Variants in COL5A1 observed in about 807,000 individuals in gnomAD.
The protein encoded by COL5A1 is collagen alpha-1(V) chain.
A neutral mutation model predicts 263.7 loss-of-function variants in COL5A1; 16 were observed. The ratio of observed to expected loss-of-function variants is 0.06; its 90% CI spans 0.04 to 0.09. The LOEUF (loss-of-function observed/expected upper bound fraction) is 0.09, where lower values mean the gene tolerates loss of function less well. COL5A1 is among the 10% of genes least tolerant of loss of function. COL5A1 has a pLI of 1.00. For missense variants in COL5A1, 2,036 were observed against 2,540.5 expected (o/e 0.80, Z 4.27); for synonymous variants, 1,012 against 1,004.5 (o/e 1.01, Z -0.14).
rs1374559868 is a variant in COL5A1 at position 134,753,893 on chromosome 9, T to G, written c.1763T>G (p.Val588Gly). 1 of 1,612,830 alleles carries G rather than the reference T, an allele frequency of 6.2e-7. No homozygotes were observed. The highest frequency in any genetic ancestry group is 1.3e-5 in the African/African-American group (1 of 74,514). The change falls in exon 15 of 66, where the codon GTG (valine) becomes GGG (glycine). Residue 588 changes from valine (V) to glycine (G), a missense_variant. By Grantham distance (109) the Val-to-Gly change is moderately radical. Transcript: ENST00000371817. ...SGGLKGEPGD[V>G]GPQGPRGVQG... is the part of the protein sequence containing the mutation. ...GGTTTGAAGGGCGAGCCGGGAGACG[T>G]GGGGCCTCAGGTATGTGGGATCCTT...
intron 65 of COL5A1, among the ~76,000 whole-genome samples, chr9:134,837,378 G>T (rs767153126): frequency 6.6e-6 from 1 of 152,014 alleles, no homozygotes; most frequent in Non-Finnish European, 1.5e-5. Flanking sequence ...TGGATCCCAC[G>T]AAGGACCCTT....
rs149118536 is a variant in COL5A1, at chr9:134,647,574, G to A, written c.109+5278G>A. Among the ~76,000 whole-genome samples, 89 of 152,300 alleles carry A rather than the reference G, an allele frequency of 5.8e-4. No homozygotes were observed. Among genetic ancestry groups the A allele is most frequent in the Non-Finnish European group, 1.0e-3 (68 of 68,018 alleles). ...GTGCAGGGCCTGGTGTGTTTGAGGA[G>A]CTCGTGGCAGGGCGACGTTTCTCTC... On this transcript the variant is annotated intron_variant, in intron 1 of 65. Coordinates refer to ENST00000371817, the MANE Select transcript of COL5A1 (RefSeq NM_000093.5). This position sits in a 1 kb window ranked among gnomAD's most constrained non-coding sequence, Gnocchi z 5.0.
At chr9:134,732,372 G>A in intron 9 of COL5A1, 1 of 609,254 alleles carries the variant, frequency 1.6e-6, no homozygotes, top group Non-Finnish European at 3.0e-6. Flanking sequence ...ATCAAAGCCG[G>A]TCCTGCACCC....
Position 134,701,265 on chromosome 9 carries a change from C to A in COL5A1, c.586C>A (p.His196Asn). The change falls in exon 4 of 66, where the codon CAC becomes AAC. Residue 196 changes from histidine (H) to asparagine (N), a missense_variant. His to Asn is a moderately conservative substitution (Grantham distance 68, BLOSUM62 1). Coordinates refer to ENST00000371817, the MANE Select transcript of COL5A1 (RefSeq NM_000093.5). Reference sequence around the variant, plus strand: ...CACCAAATTCCTCGACCGCAGCGACCACCCCATGATCGACATCAATGGCAT... The same window carrying A: ...CACCAAATTCCTCGACCGCAGCGACAACCCCATGATCGACATCAATGGCAT... ...KTTKFLDRSD[H>N]PMIDINGIIV... The A allele has an allele frequency of 6.2e-7, 1 of 1,614,012 alleles. No homozygotes were observed. The highest frequency in any genetic ancestry group is 1.1e-5 in the South Asian group (1 of 91,080).
intron 19 of COL5A1, among the ~76,000 whole-genome samples, chr9:134,762,182 C>A (rs1463209245): frequency 6.6e-6 from 1 of 152,206 alleles, no homozygotes; most frequent in Non-Finnish European, 1.5e-5. Context: ...GAGACCCTGA[C>A]TGCAACGTTT....
intron 52 of COL5A1, among the ~76,000 whole-genome samples, chr9:134,816,789 G>A (rs1399120515): frequency 2.0e-5 from 3 of 152,260 alleles, no homozygotes; most frequent in African/African-American, 7.2e-5. Flanking sequence ...AGCACTGTGA[G>A]TGGGGAAGTT....
chr9:134,837,830 TC>T (rs1281082447), intron 65 of COL5A1, among the ~76,000 whole-genome samples: 3 of 152,220 alleles, frequency 2.0e-5, no homozygotes, highest in African/African-American at 7.2e-5. Flanking sequence ...TTCCCTTCTT[TC>T]TACATACGCA....
intron 1 of COL5A1, among the ~76,000 whole-genome samples, chr9:134,667,503 C>G (rs1259054253): frequency 2.0e-5 from 3 of 152,222 alleles, no homozygotes; most frequent in African/African-American, 7.2e-5. Context: ...GCCAGCACCA[C>G]CCCACACCCT....
chr9:134,815,286 G>A (rs1838700618), intron 50 of COL5A1, among the ~76,000 whole-genome samples: 1 of 152,238 alleles, frequency 6.6e-6, no homozygotes, highest in Admixed American at 6.5e-5. Context: ...GCAGCCTGGA[G>A]CTCCCAGGAA....
At chr9:134,719,673 T>A (rs1462099758) in intron 4 of COL5A1, among the ~76,000 whole-genome samples, 1 of 152,192 alleles carries the variant, frequency 6.6e-6, no homozygotes, top group Non-Finnish European at 1.5e-5. Flanking sequence ...CACATCATGC[T>A]CCATATCCTG....
In COL5A1 at chr9:134,794,992, C is replaced by T. The variant is rs2132801931; in HGVS notation, c.2701-90C>T. On this transcript the variant is annotated intron_variant, in intron 32 of 65. Transcript: ENST00000371817. The surrounding 1 kb of genome is among the most constrained non-coding windows in gnomAD (Gnocchi z 4.3). ...GGTTCCTCCTATCCTGCTCTGAATT[C>T]ACAGTCTCTCAATAACCCGGGAGAC... 1 of 1,429,700 alleles carries T rather than the reference C, an allele frequency of 7.0e-7. No homozygotes were observed. The highest frequency in any genetic ancestry group is 9.8e-7 in the Non-Finnish European group (1 of 1,016,226). The allele number at this position is 1,429,700 out of a possible 1,614,324, so 88.6% of individuals were successfully genotyped here. A position where few individuals can be genotyped will look rare whatever the true frequency, so the allele number is the denominator to read the frequency against.
rs1832446829 is a variant in COL5A1, at chr9:134,669,037, C to T, written c.110-21875C>T. 4.3e-5 allele frequency among the ~76,000 whole-genome samples: 6 copies of T among 140,904 alleles called. No homozygotes were observed. In the South Asian group the frequency reaches 1.5e-3, roughly 36 times the overall value. 92.4% of individuals were successfully genotyped at this position (140,904 alleles called of 152,430 possible). A position where few individuals can be genotyped will look rare whatever the true frequency, so the allele number is the denominator to read the frequency against. ...CATCCATCCCATTTATCCATTTACT[C>T]ACCTATCCATTCATCTACTCATCCT... On this transcript the variant is annotated intron_variant, in intron 1 of 65. Coordinates refer to ENST00000371817, the MANE Select transcript of COL5A1 (RefSeq NM_000093.5).
At chr9:134,738,978 C>T (rs991496469) in intron 11 of COL5A1, among the ~76,000 whole-genome samples, 170 bp downstream of exon 11, 5 of 152,192 alleles carry the variant, frequency 3.3e-5, no homozygotes, top group African/African-American at 1.2e-4. Context: ...TCAGATGTTT[C>T]TGGGGCTGAA....
At position 134,755,611 on chromosome 9, in the gene COL5A1, T is replaced by C. The variant is rs1835938066; in HGVS notation, c.1828-1154T>C. On this transcript the variant is annotated intron_variant, in intron 16 of 65. Coordinates refer to ENST00000371817, the MANE Select transcript of COL5A1 (RefSeq NM_000093.5). This position sits in a 1 kb window ranked among gnomAD's most constrained non-coding sequence, Gnocchi z 4.1. ...GTGAATTGTAGAAGCATCTGGGTGC[T>C]TTGCGGGGCTGAGTTGTGCTGTGAA... 6.6e-6 allele frequency among the ~76,000 whole-genome samples: 1 copy of C among 152,242 alleles called. No individual in the cohort carries two copies. The highest frequency in any genetic ancestry group is 6.5e-5 in the Admixed American group (1 of 15,284).
intron 9 of COL5A1, among the ~76,000 whole-genome samples, chr9:134,736,017 C>A (rs1051203517): frequency 1.3e-5 from 2 of 151,622 alleles, no homozygotes; most frequent in East Asian, 3.9e-4. Flanking sequence ...CCGGGAGTCC[C>A]CTTGCCAGCC....
Position 134,834,963 on chromosome 9 carries a change from C to A in COL5A1, c.5137-8C>A, listed in dbSNP as rs374377228. On this transcript the variant is annotated splice_region_variant and splice_polypyrimidine_tract_variant and intron_variant, in intron 64 of 65. Coordinates refer to ENST00000371817, the MANE Select transcript of COL5A1 (RefSeq NM_000093.5). ...CCCTGCTGAGCCCCAACACCCCTGT[C>A]CCCCCAGCTCTCCTATGTGGACGCC... The A allele has an allele frequency of 1.2e-6, 2 of 1,601,814 alleles. No homozygotes were observed. Among genetic ancestry groups the A allele is most frequent in the Non-Finnish European group, 1.7e-6 (2 of 1,170,590 alleles).
Position 134,794,727 on chromosome 9 carries a change from G to C in COL5A1, c.2701-355G>C, listed in dbSNP as rs569726017. 6.6e-6 allele frequency among the ~76,000 whole-genome samples: 1 copy of C among 151,582 alleles called. No homozygotes were observed. Among genetic ancestry groups the C allele is most frequent in the Admixed American group, 6.6e-5 (1 of 15,142 alleles). On this transcript the variant is annotated intron_variant, in intron 32 of 65. Coordinates refer to ENST00000371817, the MANE Select transcript of COL5A1 (RefSeq NM_000093.5). The surrounding 1 kb of genome is among the most constrained non-coding windows in gnomAD (Gnocchi z 4.3). ...GATTTCCCTCCCTGCTGAGGACAGAGAGAGAAAGAGAGATGAGGAGGAGGG... is the reference window on the plus strand; with the variant it reads ...GATTTCCCTCCCTGCTGAGGACAGACAGAGAAAGAGAGATGAGGAGGAGGG...
rs954208020 is a variant in COL5A1, at chr9:134,843,479, A to G, written c.*1176A>G. 3.3e-5 allele frequency: 5 copies of G among 152,640 alleles called. No homozygotes were observed. Among genetic ancestry groups the G allele is most frequent in the African/African-American group, 1.2e-4 (5 of 41,398 alleles). The allele number at this position is 152,640 out of a possible 1,614,324, so 9.5% of individuals were successfully genotyped here. On this transcript the variant is annotated 3_prime_UTR_variant, in exon 66 of 66. Coordinates refer to ENST00000371817, the MANE Select transcript of COL5A1 (RefSeq NM_000093.5). ...CTTTCTTTATCCTGTTATTGCCTCC[A>G]CAGTCTGTTGCCAAGGACTCTAAGA...
chr9:134,730,505 C>A (rs1301045629), intron 7 of COL5A1, 30 bp downstream of exon 7: 24 of 1,613,134 alleles, frequency 1.5e-5, no homozygotes, highest in Non-Finnish European at 1.9e-5. Context: ...TTGGTTTGGT[C>A]TGGGGCAGTG....
Sources: allele counts gnomAD v4.1 joint callset (sites outside exome capture counted in the v4.1 genomes callset), GRCh38; gene constraint gnomAD v4.1.1; non-coding constraint Gnocchi (gnomAD v3.1); transcripts MANE v1.5; gene names NCBI Gene and HGNC (gene_info 2026-07-23, HGNC 2026-07-21).